HPSE2: variants seen among roughly 807,000 people sequenced by gnomAD.
HPSE2 encodes inactive heparanase-2.
A neutral mutation model predicts 60.5 loss-of-function variants in HPSE2; 38 were observed. The ratio of observed to expected loss-of-function variants is 0.63; its 90% CI spans 0.48 to 0.82. The LOEUF is 0.82. Among genes scored for constraint, HPSE2 ranks in the 40% least tolerant of loss-of-function variants. The pLI is 0.00. For synonymous variants in HPSE2, 295 were observed against 293.2 expected, an observed-to-expected ratio of 1.01 and a Z score of -0.06; for missense variants, 713 against 740.4, an observed-to-expected ratio of 0.96 and a Z score of 0.43.
At chr10:99,088,181 C>T (rs1843390169) in intron 3 of HPSE2, among the ~76,000 whole-genome samples, 1 of 151,966 alleles carries the variant, frequency 6.6e-6, no homozygotes, top group Admixed American at 6.6e-5. Flanking sequence ...TGCCACTTTC[C>T]CAGTGACCTC....
At chr10:98,466,792 G>C (rs571476365) in intron 11 of HPSE2, among the ~76,000 whole-genome samples, 12 of 152,190 alleles carry the variant, frequency 7.9e-5, no homozygotes, top group African/African-American at 2.4e-4. Flanking sequence ...GCTAGCCTAA[G>C]GCAAAGTTTT....
intron 3 of HPSE2, among the ~76,000 whole-genome samples, chr10:98,993,682 C>T (rs1828658572): frequency 6.6e-6 from 1 of 152,182 alleles, no homozygotes; most frequent in African/African-American, 2.4e-5. Flanking sequence ...TAAGACTATG[C>T]TCATGTTGTC....
Position 99,168,120 on chromosome 10 carries a change from ACACACACG to A in HPSE2, c.449-23729_449-23722del, listed in dbSNP as rs1847160853. On this transcript the variant is annotated intron_variant, in intron 2 of 11. Transcript: ENST00000370552. ...CACACACACACACACACACACACAC[ACACACACG>A]GCTTTGTAGGAGTTTGAATTGCATT... Among the ~76,000 whole-genome samples the A allele has an allele frequency of 4.0e-5, 5 of 125,024 alleles. No individual in the cohort carries two copies. The East Asian group carries it at 8.1e-4, about 20-fold the overall frequency. 82.0% of individuals were successfully genotyped at this position (125,024 alleles called of 152,430 possible).
intron 3 of HPSE2, among the ~76,000 whole-genome samples, chr10:98,856,774 A>AT (rs912550641): frequency 6.6e-6 from 1 of 152,116 alleles, no homozygotes; most frequent in African/African-American, 2.4e-5. Flanking sequence ...AGAAATAGAG[A>AT]TTTTTTTCAA....
intron 9 of HPSE2, among the ~76,000 whole-genome samples, chr10:98,505,109 T>A (rs529351791): frequency 1.3e-4 from 20 of 152,336 alleles, no homozygotes; most frequent in African/African-American, 4.6e-4. Context: ...TACTGATGGA[T>A]ATGTGTGTCC....
intron 9 of HPSE2, among the ~76,000 whole-genome samples, chr10:98,492,155 T>C (rs186233011): frequency 1.3e-5 from 2 of 152,310 alleles, no homozygotes; most frequent in South Asian, 2.1e-4. Context: ...CTTTGTGTCG[T>C]AGCAATTTTC....
chr10:99,086,352 T>C (rs1305050169), intron 3 of HPSE2, among the ~76,000 whole-genome samples: 1 of 134,536 alleles, frequency 7.4e-6, no homozygotes, highest in Non-Finnish European at 1.6e-5. Context: ...CTTTCTTTTT[T>C]TTTTTTTTTT....
intron 3 of HPSE2, among the ~76,000 whole-genome samples, chr10:98,991,167 G>C: frequency 6.6e-6 from 1 of 152,124 alleles, no homozygotes; most frequent in Non-Finnish European, 1.5e-5. Context: ...ATATAACACA[G>C]AACAAAGTTC....
At chr10:99,234,145 A>G (rs957433266) in intron 1 of HPSE2, among the ~76,000 whole-genome samples, 5 of 152,214 alleles carry the variant, frequency 3.3e-5, no homozygotes, top group African/African-American at 1.2e-4. Flanking sequence ...TTCGAAGAGG[A>G]AGCTGGGCCG....
At chr10:98,974,375 G>A (rs951115630) in intron 3 of HPSE2, among the ~76,000 whole-genome samples, 5 of 152,052 alleles carry the variant, frequency 3.3e-5, no homozygotes, top group South Asian at 4.2e-4. Context: ...TCGCTCTGTT[G>A]CCCAGGCTGG....
At chr10:98,756,599 C>T (rs1949884003) in intron 3 of HPSE2, among the ~76,000 whole-genome samples, 1 of 152,220 alleles carries the variant, frequency 6.6e-6, no homozygotes, top group South Asian at 2.1e-4. Flanking sequence ...TGGAAACATA[C>T]AACCTGTCAT....
chr10:99,171,478 G>GA (rs1222278205), intron 2 of HPSE2, among the ~76,000 whole-genome samples: 1 of 152,098 alleles, frequency 6.6e-6, no homozygotes, highest in Non-Finnish European at 1.5e-5. Context: ...ATGTAGCTCT[G>GA]AATGTTCCTC....
chr10:98,467,520 G>A (rs1564898926), intron 11 of HPSE2, among the ~76,000 whole-genome samples: 1 of 152,152 alleles, frequency 6.6e-6, no homozygotes, highest in Non-Finnish European at 1.5e-5. Context: ...GAAAGGAGGA[G>A]GGGCAGGGGA....
chr10:98,604,012 A>G (rs1226503335), intron 9 of HPSE2, among the ~76,000 whole-genome samples: 1 of 152,088 alleles, frequency 6.6e-6, no homozygotes, highest in African/African-American at 2.4e-5. Context: ...GGACTATAGG[A>G]TGCTTCCTCT....
At chr10:99,191,171 C>A (rs1337165507) in intron 2 of HPSE2, among the ~76,000 whole-genome samples, 1 of 152,020 alleles carries the variant, frequency 6.6e-6, no homozygotes. Context: ...CCAGACAACA[C>A]CTCTGGACCT....
the HPSE2 span, among the ~76,000 whole-genome samples, chr10:99,279,050 C>CAAAA: frequency 6.6e-6 from 1 of 152,096 alleles, no homozygotes; most frequent in Admixed American, 6.6e-5. Flanking sequence ...AACTATGTTT[C>CAAAA]TCTCCTAGTT....
At chr10:98,566,643 G>A (rs1234236004) in intron 9 of HPSE2, among the ~76,000 whole-genome samples, 1 of 152,156 alleles carries the variant, frequency 6.6e-6, no homozygotes, top group Non-Finnish European at 1.5e-5. Context: ...ACAACATCAG[G>A]CCATCAGTAA....
chr10:98,774,193 A>T (rs988520798), intron 3 of HPSE2, among the ~76,000 whole-genome samples: 13 of 152,162 alleles, frequency 8.5e-5, no homozygotes, highest in African/African-American at 2.9e-4. Flanking sequence ...TACACAGTAA[A>T]AGCAGAGAGA....
At chr10:98,670,324 A>T (rs1019966359) in intron 6 of HPSE2, among the ~76,000 whole-genome samples, 1 of 152,164 alleles carries the variant, frequency 6.6e-6, no homozygotes, top group African/African-American at 2.4e-5. Context: ...GCAGATAGGA[A>T]TCTATTGCAA....
Sources: allele counts gnomAD v4.1 joint callset (sites outside exome capture counted in the v4.1 genomes callset), GRCh38; gene constraint gnomAD v4.1.1; transcripts MANE v1.5; gene names NCBI Gene and HGNC (gene_info 2026-07-23, HGNC 2026-07-21).